Variants in DLG2 observed in about 807,000 individuals in gnomAD.
DLG2 encodes the protein discs large MAGUK scaffold protein 2, also known as disks large homolog 2.
In DLG2, 45 loss-of-function variants were observed where a neutral mutation model predicts 132.5. The ratio of observed to expected loss-of-function variants is 0.34; its 90% confidence interval spans 0.27 to 0.44. DLG2 has a LOEUF of 0.44. DLG2 is among the 20% of genes least tolerant of loss of function. The pLI is 1.00. For synonymous variants in DLG2, 424 were observed against 419.6 expected (o/e 1.01, Z -0.13); for missense variants, 1,045 against 1,196.9 (o/e 0.87, Z 1.87).
intron 3 of DLG2, among the ~76,000 whole-genome samples, chr11:85,586,164 G>A (rs577024474): frequency 6.6e-6 from 1 of 152,266 alleles, no homozygotes; most frequent in Non-Finnish European, 1.5e-5. Context: ...ATGTTCATCA[G>A]GGATATTGGT....
At chr11:85,156,251 A>C (rs2077578882) in intron 4 of DLG2, among the ~76,000 whole-genome samples, 1 of 152,160 alleles carries the variant, frequency 6.6e-6, no homozygotes, top group African/African-American at 2.4e-5. Flanking sequence ...ATATGTATAT[A>C]TATGTGTGTG....
At chr11:85,097,123 C>T (rs1322661108) in intron 6 of DLG2, among the ~76,000 whole-genome samples, 1 of 152,166 alleles carries the variant, frequency 6.6e-6, no homozygotes, top group Non-Finnish European at 1.5e-5. Flanking sequence ...AGACAAACTT[C>T]CTCTTGCCTC....
intron 2 of DLG2, among the ~76,000 whole-genome samples, chr11:85,609,958 C>T (rs2080874226): frequency 1.3e-5 from 2 of 152,150 alleles, no homozygotes; most frequent in East Asian, 1.9e-4. Flanking sequence ...AAGTCCCACA[C>T]CCTTATTAGG....
chr11:83,764,714 G>C (rs746312960), intron 18 of DLG2, among the ~76,000 whole-genome samples: 8 of 152,324 alleles, frequency 5.3e-5, no homozygotes, highest in Non-Finnish European at 1.2e-4. Flanking sequence ...CTCACAGCTA[G>C]TAAGTGACAG....
chr11:83,520,639 G>T (rs61900136), intron 21 of DLG2, among the ~76,000 whole-genome samples: 9 of 147,954 alleles, frequency 6.1e-5, no homozygotes, highest in African/African-American at 1.5e-4. Context: ...AGGTAGGTAG[G>T]TAGATAGATA....
intron 7 of DLG2, among the ~76,000 whole-genome samples, chr11:84,517,365 C>G (rs1191909832): frequency 1.3e-5 from 2 of 151,758 alleles, no homozygotes; most frequent in Non-Finnish European, 2.9e-5. Flanking sequence ...GAAGAGAAGA[C>G]ATACAAATGG....
intron 19 of DLG2, among the ~76,000 whole-genome samples, chr11:83,617,214 G>C (rs1480262681): frequency 2.6e-5 from 4 of 152,128 alleles, no homozygotes; most frequent in African/African-American, 9.7e-5. Flanking sequence ...ATGTTGATAG[G>C]AATTGCAGTG....
intron 10 of DLG2, among the ~76,000 whole-genome samples, chr11:84,084,743 T>A (rs192755143): frequency 3.3e-5 from 5 of 152,330 alleles, no homozygotes; most frequent in Admixed American, 3.3e-4. Context: ...ATTCTATTGA[T>A]ACATAATGAT....
At chr11:83,773,131 G>A (rs1308867454) in intron 18 of DLG2, among the ~76,000 whole-genome samples, 2 of 152,200 alleles carry the variant, frequency 1.3e-5, no homozygotes, top group Non-Finnish European at 2.9e-5. Flanking sequence ...ATTAATTAGA[G>A]TATGATGCTG....
intron 6 of DLG2, among the ~76,000 whole-genome samples, chr11:84,985,924 G>A (rs988754423): frequency 1.1e-4 from 15 of 133,458 alleles, no homozygotes; most frequent in African/African-American, 3.1e-4. Flanking sequence ...TCCGGGACAC[G>A]AAGGCTGCAG....
At chr11:85,570,453 G>C (rs919792886) in intron 3 of DLG2, among the ~76,000 whole-genome samples, 1 of 152,058 alleles carries the variant, frequency 6.6e-6, no homozygotes, top group Non-Finnish European at 1.5e-5. Flanking sequence ...AGAAATCAAT[G>C]GTTAATCCTA....
chr11:85,328,807 T>G (rs1179659090), intron 3 of DLG2, among the ~76,000 whole-genome samples: 2 of 118,736 alleles, frequency 1.7e-5, no homozygotes, highest in Non-Finnish European at 3.5e-5. Flanking sequence ...ATAAAGGGTA[T>G]TCAATTAGGA....
At chr11:84,580,021 A>C (rs2154528985) in intron 6 of DLG2, among the ~76,000 whole-genome samples, 1 of 152,266 alleles carries the variant, frequency 6.6e-6, no homozygotes, top group South Asian at 2.1e-4. Flanking sequence ...ATGATGAGCA[A>C]GTTTTGTGCA....
intron 3 of DLG2, among the ~76,000 whole-genome samples, chr11:85,495,984 A>G (rs2153114582): frequency 6.6e-6 from 1 of 152,294 alleles, no homozygotes; most frequent in African/African-American, 2.4e-5. Context: ...AGTGAGATCG[A>G]CGCAGAAGAC....
chr11:83,550,760 G>A (rs1362170695), intron 19 of DLG2, among the ~76,000 whole-genome samples: 2 of 152,136 alleles, frequency 1.3e-5, no homozygotes, highest in Non-Finnish European at 2.9e-5. Flanking sequence ...TATGTTCTGG[G>A]TCTGTGTATA....
chr11:84,968,800 G>C (rs2053664767), intron 6 of DLG2, among the ~76,000 whole-genome samples: 1 of 152,110 alleles, frequency 6.6e-6, no homozygotes, highest in African/African-American at 2.4e-5. Context: ...CAACATGTTA[G>C]TGGCAGAACT....
At chr11:85,187,662 G>A (rs2080212755) in intron 4 of DLG2, among the ~76,000 whole-genome samples, 1 of 152,104 alleles carries the variant, frequency 6.6e-6, no homozygotes, top group Non-Finnish European at 1.5e-5. Context: ...CGTTGACTGG[G>A]CATGCTCCCA....
At chr11:83,727,156 C>T (rs756983961) in intron 18 of DLG2, among the ~76,000 whole-genome samples, 13 of 152,300 alleles carry the variant, frequency 8.5e-5, no homozygotes, top group Middle Eastern at 3.4e-3. Context: ...ATTTTCATAG[C>T]CTCTACATAG....
At chr11:84,449,178 C>T (rs2099044191) in intron 7 of DLG2, among the ~76,000 whole-genome samples, 1 of 151,890 alleles carries the variant, frequency 6.6e-6, no homozygotes, top group African/African-American at 2.4e-5. Context: ...GTAATTCCTA[C>T]TCTTTCACAG....
Sources: allele counts gnomAD v4.1 joint callset (sites outside exome capture counted in the v4.1 genomes callset), GRCh38; gene constraint gnomAD v4.1.1; transcripts MANE v1.5; gene names NCBI Gene and HGNC (gene_info 2026-07-23, HGNC 2026-07-21).